The following ACOT12 variants were observed in gnomAD, a reference collection of about 807,000 sequenced individuals.
ACOT12 encodes the protein acyl-CoA thioesterase 12, also known as acetyl-coenzyme A thioesterase.
Under a neutral mutation model 67.7 loss-of-function variants are expected in ACOT12, and 51 were observed. The ratio of observed to expected loss-of-function variants is 0.75; its 90% CI spans 0.60 to 0.95. ACOT12 has a LOEUF of 0.95. Among genes scored for constraint, ACOT12 ranks in the 40% least tolerant of loss-of-function variants. The pLI, the probability that ACOT12 is intolerant of heterozygous loss-of-function variation, is 0.00. For missense variants in ACOT12, 734 were observed against 708.1 expected, an observed-to-expected ratio of 1.04 and a Z score of -0.41; for synonymous variants, 251 against 244.6, an observed-to-expected ratio of 1.03 and a Z score of -0.24.
At chr5:81,344,248 T>C (rs367901481) in intron 8 of ACOT12, 33 bp from the exon 9 acceptor site, 1 of 1,585,396 alleles carries the variant, frequency 6.3e-7, no homozygotes, top group African/African-American at 1.4e-5. Context: ...ATCAATAAAA[T>C]AAAATAAAAT....
At chr5:81,357,547 G>T (rs1054924724) in intron 5 of ACOT12, among the ~76,000 whole-genome samples, 1 of 151,906 alleles carries the variant, frequency 6.6e-6, no homozygotes, top group Non-Finnish European at 1.5e-5. Flanking sequence ...AGCACCTCAC[G>T]CATCACAGGG....
chr5:81,360,595 A>C (rs547502230), intron 4 of ACOT12, among the ~76,000 whole-genome samples: 146 of 152,324 alleles, frequency 9.6e-4, no homozygotes, highest in African/African-American at 3.4e-3. Flanking sequence ...ACTTCCAGAA[A>C]CCTGGAAATA....
chr5:81,331,174 G>A (rs930300763), intron 13 of ACOT12, among the ~76,000 whole-genome samples: 2 of 152,172 alleles, frequency 1.3e-5, no homozygotes, highest in Admixed American at 6.6e-5. Flanking sequence ...CCATGAAACT[G>A]GAGTCAACCA....
At chr5:81,361,929 A>G (rs1198142337) in intron 4 of ACOT12, among the ~76,000 whole-genome samples, 1 of 152,214 alleles carries the variant, frequency 6.6e-6, no homozygotes, top group East Asian at 1.9e-4. Flanking sequence ...ACAGAAATTC[A>G]AGTAGTCCTA....
At chr5:81,324,046 ATTC>A in the ACOT12 span, among the ~76,000 whole-genome samples, 1 of 151,710 alleles carries the variant, frequency 6.6e-6, no homozygotes, top group South Asian at 2.1e-4. Flanking sequence ...GGCTCAAGCA[ATTC>A]TTCTGCCTCA....
chr5:81,346,630 C>T (rs1278817969), intron 6 of ACOT12, among the ~76,000 whole-genome samples: 1 of 152,178 alleles, frequency 6.6e-6, no homozygotes, highest in Non-Finnish European at 1.5e-5. Flanking sequence ...CATTCAATTA[C>T]TCTGTGCCAA....
chr5:81,367,332 T>C (rs1434270154), intron 3 of ACOT12, among the ~76,000 whole-genome samples: 2 of 152,322 alleles, frequency 1.3e-5, no homozygotes, highest in East Asian at 3.9e-4. Flanking sequence ...AAAAGATGAT[T>C]GACTGTTTAA....
At position 81,330,465 on chromosome 5, in the gene ACOT12, C is replaced by T. The variant is rs935456105; in HGVS notation, c.1597G>A (p.Glu533Lys). 7 of 1,614,108 alleles carry T rather than the reference C, an allele frequency of 4.3e-6. No homozygotes were observed. The highest frequency in any genetic ancestry group is 1.1e-5 in the South Asian group (1 of 91,072). ...TGTATACAAGAGGCTGCTGTTTCTT[C>T]AATGGATTTTGACCAGCCACCAAGA... The part of the protein sequence containing the change: ...GNLGGWSKSI[E>K]ETAASCIQFL... Residue 533 changes from glutamate to lysine, a missense_variant, in exon 15 of 15, where the codon GAA (glutamate) becomes AAA (lysine). Physicochemically the swap from Glu to Lys is moderately conservative, Grantham distance 56 (BLOSUM62 1). Transcript: ENST00000307624.
intron 5 of ACOT12, among the ~76,000 whole-genome samples, chr5:81,353,523 T>A (rs927437284): frequency 5.3e-5 from 8 of 152,138 alleles, no homozygotes; most frequent in African/African-American, 1.9e-4. Context: ...CTAGCCCTAG[T>A]TTTCTTTCTG....
At chr5:81,342,011 G>T (rs939250888) in intron 11 of ACOT12, among the ~76,000 whole-genome samples, 3 of 151,920 alleles carry the variant, frequency 2.0e-5, no homozygotes, top group Non-Finnish European at 4.4e-5. Flanking sequence ...TTTTTTTAGA[G>T]ACAGAGTCTT....
chr5:81,354,800 T>C (rs1434577889), intron 5 of ACOT12, among the ~76,000 whole-genome samples: 1 of 151,798 alleles, frequency 6.6e-6, no homozygotes. Flanking sequence ...GCCTCTTGGG[T>C]TCAAGCAATT....
intron 3 of ACOT12, among the ~76,000 whole-genome samples, chr5:81,367,534 C>T (rs1760119272): frequency 6.6e-6 from 1 of 152,056 alleles, no homozygotes; most frequent in African/African-American, 2.4e-5. Context: ...AGTCATATTG[C>T]AAACCCGAGA....
chr5:81,345,490 T>C (rs1310106500), intron 7 of ACOT12, among the ~76,000 whole-genome samples: 1 of 152,128 alleles, frequency 6.6e-6, no homozygotes, highest in African/African-American at 2.4e-5. Flanking sequence ...ATCTTTTCAT[T>C]GTGTATCAAG....
intron 13 of ACOT12, among the ~76,000 whole-genome samples, chr5:81,331,368 T>C (rs1758820833): frequency 6.6e-6 from 1 of 152,158 alleles, no homozygotes; most frequent in South Asian, 2.1e-4. Context: ...AGAAACTCCA[T>C]CTCTACTAAA....
the ACOT12 span, among the ~76,000 whole-genome samples, chr5:81,309,724 T>TG: frequency 1.3e-5 from 2 of 152,178 alleles, no homozygotes; most frequent in Admixed American, 6.5e-5. Flanking sequence ...ACTCACTAGC[T>TG]GGGGGGCTTT....
the ACOT12 span, chr5:81,311,312 G>A: frequency 6.2e-7 from 1 of 1,601,192 alleles, no homozygotes; most frequent in Non-Finnish European, 8.6e-7. Flanking sequence ...TAGAAGGGGT[G>A]AGATTAGTAT....
intron 5 of ACOT12, among the ~76,000 whole-genome samples, chr5:81,357,632 T>C (rs1241873061): frequency 1.3e-5 from 2 of 152,118 alleles, no homozygotes; most frequent in Admixed American, 1.3e-4. Context: ...CCTTGAGATG[T>C]GATTCAGACG....
chr5:81,383,115 C>A (rs1760632938), intron 2 of ACOT12, among the ~76,000 whole-genome samples: 1 of 152,132 alleles, frequency 6.6e-6, no homozygotes, highest in Admixed American at 6.5e-5. Context: ...CCCTCACCAG[C>A]CGGGCGTGGT....
At chr5:81,349,667 G>C (rs1342372759) in intron 5 of ACOT12, among the ~76,000 whole-genome samples, 3 of 151,938 alleles carry the variant, frequency 2.0e-5, no homozygotes, top group African/African-American at 7.3e-5. Context: ...CTTTTATTAT[G>C]TGACCCACTA....
Sources: gnomAD v4.1 joint callset for allele counts (sites outside exome capture counted in the v4.1 genomes callset) on GRCh38, gnomAD v4.1.1 for gene constraint, MANE v1.5 for transcripts, NCBI Gene and HGNC (gene_info 2026-07-23, HGNC 2026-07-21) for gene names.